Variants in LRP2 observed in about 807,000 individuals in gnomAD.
LRP2 encodes the protein LDL receptor related protein 2.
A neutral mutation model predicts 531.0 loss-of-function variants in LRP2; 172 were observed. The ratio of observed to expected loss-of-function variants is 0.32; its 90% CI spans 0.29 to 0.37. LRP2 has a LOEUF of 0.37. Among genes scored for constraint, LRP2 ranks in the 10% least tolerant of loss-of-function variants. The pLI is 1.00. For missense variants in LRP2, 5,167 were observed against 5,868.3 expected (o/e 0.88, Z 3.90); for synonymous variants, 1,992 against 2,027.6 (o/e 0.98, Z 0.47).
intron 1 of LRP2, among the ~76,000 whole-genome samples, chr2:169,335,215 C>T (rs578195887): frequency 3.3e-5 from 5 of 152,256 alleles, no homozygotes; most frequent in South Asian, 4.1e-4. Flanking sequence ...TATTTTCCTA[C>T]GATGAGCATT....
intron 1 of LRP2, 46 bp downstream of exon 1, chr2:169,362,275 G>T: frequency 6.7e-7 from 1 of 1,495,128 alleles, no homozygotes. Flanking sequence ...CCCTGCCACA[G>T]CCGGGGAAGT....
At chr2:169,215,741 ATATC>A (rs968737456) in intron 35 of LRP2, among the ~76,000 whole-genome samples, 2 of 147,692 alleles carry the variant, frequency 1.4e-5, no homozygotes, top group Non-Finnish European at 3.0e-5. Flanking sequence ...TATATATTCT[ATATC>A]TATATAGATC....
rs767015977 is a variant in LRP2 at position 169,204,255 on chromosome 2, T to C, written c.7732A>G (p.Ser2578Gly). ...TCACGATCCACGCCCGTCAGAGTGCTGCGTTCAATCCTCTGCCTAAAATGA... is the reference window on the plus strand; with the variant it reads ...TCACGATCCACGCCCGTCAGAGTGCCGCGTTCAATCCTCTGCCTAAAATGA... ...VDASLQRIERSTLTGVDREVI... is the reference protein window; with the variant it reads ...VDASLQRIERGTLTGVDREVI... The change falls in exon 42 of 79, where the codon AGC becomes GGC. Residue 2578 changes from serine to glycine, a missense_variant. Coordinates refer to ENST00000649046, the MANE Select transcript of LRP2 (RefSeq NM_004525.3). The C allele has an allele frequency of 1.2e-6, 2 of 1,613,282 alleles. No individual in the cohort carries two copies. The highest frequency in any genetic ancestry group is 2.2e-5 in the South Asian group (2 of 91,080).
At chr2:169,358,892 T>C (rs1379373002) in intron 1 of LRP2, among the ~76,000 whole-genome samples, 1 of 121,398 alleles carries the variant, frequency 8.2e-6, no homozygotes, top group Non-Finnish European at 1.7e-5. Context: ...GCCAATACGA[T>C]TTTCTCAAAA....
chr2:169,176,672 A>C (rs1687206872), intron 53 of LRP2, 84 bp from the exon 54 acceptor site: 1 of 1,209,504 alleles, frequency 8.3e-7, no homozygotes, highest in African/African-American at 1.5e-5. Flanking sequence ...TCTTGACTTT[A>C]AACTCATCAC....
At position 169,161,827 on chromosome 2, in the gene LRP2, C is replaced by T. The variant is rs142400067; in HGVS notation, c.11887+645G>A. On this transcript the variant is annotated intron_variant, in intron 63 of 78. Coordinates refer to ENST00000649046, the MANE Select transcript of LRP2 (RefSeq NM_004525.3). Reference sequence around the variant, plus strand: ...ATGTCCCTTCCCAGGTCCCCTGTGGCGTTCCCTTCTTGATCAAACACCCTC... The same window carrying T: ...ATGTCCCTTCCCAGGTCCCCTGTGGTGTTCCCTTCTTGATCAAACACCCTC... Among the ~76,000 whole-genome samples, 696 of 152,256 alleles carry T rather than the reference C, an allele frequency of 4.6e-3. 10 individuals are homozygous for T. The highest frequency in any genetic ancestry group is 0.015 in the African/African-American group (634 of 41,536).
At position 169,173,076 on chromosome 2, in the gene LRP2, T is replaced by A; in HGVS notation, c.11143+20A>T. 1.2e-6 allele frequency: 2 copies of A among 1,614,048 alleles called. No homozygotes were observed. The highest frequency in any genetic ancestry group is 1.7e-6 in the Non-Finnish European group (2 of 1,179,978). On this transcript the variant is annotated intron_variant, in intron 57 of 78. Transcript: ENST00000649046. The stretch of plus-strand genomic sequence containing the variant: ...TGCACTTTCTTGTCCCTCCCTCCAC[T>A]CCCCTGTGGCCCCTCCTACCACAGC...
At position 169,238,302 on chromosome 2, in the gene LRP2, G is replaced by C; in HGVS notation, c.4295C>G (p.Ala1432Gly). ...ESDGRTCKVTASESLLLLVAS... is the reference protein window; with the variant it reads ...ESDGRTCKVTGSESLLLLVAS... ...CACAAGTAACAGCAGACTCTCAGAT[G>C]CTGTTCAAGAAAAAAATGCAAAAAT... The change falls in exon 27 of 79, where the codon GCA becomes GGA. Residue 1432 changes from alanine to glycine, a missense_variant and splice_region_variant. Ala to Gly is a moderately conservative substitution (Grantham distance 60). Around this residue, in one of 6 missense-constraint regions of LRP2, gnomAD observed 2,811 missense variants for 3,058.0 expected, o/e 0.92. Transcript: ENST00000649046. The C allele has an allele frequency of 6.2e-7, 1 of 1,612,344 alleles. No individual in the cohort carries two copies. The highest frequency in any genetic ancestry group is 1.1e-5 in the South Asian group (1 of 90,998).
intron 34 of LRP2, among the ~76,000 whole-genome samples, chr2:169,217,795 A>C (rs1299444976): frequency 6.6e-6 from 1 of 151,816 alleles, no homozygotes; most frequent in East Asian, 1.9e-4. Context: ...CATAACTTTC[A>C]CTCTCAATCA....
chr2:169,264,531 T>C (rs1690715548), intron 16 of LRP2, among the ~76,000 whole-genome samples: 2 of 152,038 alleles, frequency 1.3e-5, no homozygotes, highest in Admixed American at 1.3e-4. Flanking sequence ...AAACCAAACA[T>C]GTTTATCTCC....
At chr2:169,314,176 C>A (rs922377598) in intron 3 of LRP2, among the ~76,000 whole-genome samples, 27 of 151,948 alleles carry the variant, frequency 1.8e-4, no homozygotes, top group African/African-American at 6.5e-4. Context: ...GCAAGAAGAT[C>A]ACTTGAGGCC....
chr2:169,296,630 GGA>G (rs1684140860), intron 4 of LRP2, among the ~76,000 whole-genome samples: 1 of 152,012 alleles, frequency 6.6e-6, no homozygotes, highest in African/African-American at 2.4e-5. Context: ...CTATCTGTCT[GGA>G]GGAAAATTAA....
In LRP2 at chr2:169,239,682, A is replaced by C; in HGVS notation, c.4139T>G (p.Leu1380Ter). ...GAKCLCPLGF[L>*]LANDSKTCED... Reference sequence around the variant, plus strand: ...ACAGGTCTTAGAATCATTGGCAAGTAAGAATCCCAATGGACATAGGCATTT... The same window carrying C: ...ACAGGTCTTAGAATCATTGGCAAGTCAGAATCCCAATGGACATAGGCATTT... The change falls in exon 26 of 79, where the codon TTA becomes TGA. Residue 1380 changes from leucine to a stop codon, truncating the protein, a stop_gained. Coordinates refer to ENST00000649046, the MANE Select transcript of LRP2 (RefSeq NM_004525.3). LOFTEE classifies it high-confidence loss of function. The C allele has an allele frequency of 1.2e-6, 2 of 1,613,590 alleles. No individual in the cohort carries two copies. Among genetic ancestry groups the C allele is most frequent in the Non-Finnish European group, 1.7e-6 (2 of 1,179,452 alleles).
chr2:169,294,160 C>T lies in LRP2; in HGVS notation c.640G>A (p.Glu214Lys). Residue 214 changes from glutamate (E) to lysine (K), a missense_variant, in exon 6 of 79, where the codon GAA becomes AAA. Glu to Lys is a moderately conservative substitution (Grantham distance 56). Around this residue, in one of 6 missense-constraint regions of LRP2, gnomAD observed 2,811 missense variants for 3,058.0 expected, o/e 0.92. Transcript: ENST00000649046. ...HDNDCQDGSD[E>K]HACNYPTCGG... is the part of the protein sequence containing the mutation. ...GAAATCACCGTACTGCAAGCATGTT[C>T]GTCACTGCCGTCTTGGCAATCATTG... 2 of 1,608,620 alleles carry T rather than the reference C, an allele frequency of 1.2e-6. No individual in the cohort carries two copies. The highest frequency in any genetic ancestry group is 1.7e-6 in the Non-Finnish European group (2 of 1,175,076).
intron 65 of LRP2, 47 bp from the exon 66 acceptor site, chr2:169,154,650 C>A: frequency 1.3e-6 from 2 of 1,572,572 alleles, no homozygotes; most frequent in South Asian, 2.2e-5. Context: ...TTATACTTTC[C>A]TATATAAAGT....
chr2:169,327,959 G>A (rs1212535953), intron 1 of LRP2, among the ~76,000 whole-genome samples: 8 of 104,406 alleles, frequency 7.7e-5, no homozygotes, highest in Non-Finnish European at 1.7e-4. Flanking sequence ...CGCCCGGCCA[G>A]CCGCCCCGTC....
intron 69 of LRP2, among the ~76,000 whole-genome samples, chr2:169,146,190 A>G (rs1379488988): frequency 2.0e-5 from 3 of 152,308 alleles, no homozygotes; most frequent in South Asian, 4.1e-4. Context: ...CTTTCAAGTT[A>G]CTGATTTTAC....
intron 49 of LRP2, among the ~76,000 whole-genome samples, chr2:169,186,682 T>C (rs556218985): frequency 3.9e-5 from 6 of 152,332 alleles, no homozygotes; most frequent in Non-Finnish European, 8.8e-5. Context: ...TTCCCATCTA[T>C]GGGCTACAGT....
intron 38 of LRP2, 138 bp downstream of exon 38, chr2:169,209,315 G>T: frequency 1.3e-6 from 1 of 762,972 alleles, no homozygotes; most frequent in Non-Finnish European, 2.3e-6. Flanking sequence ...GCTTAATCTA[G>T]ATTCAATGTA....
Sources: allele counts gnomAD v4.1 joint callset (sites outside exome capture counted in the v4.1 genomes callset), GRCh38; gene constraint gnomAD v4.1.1; regional missense constraint gnomAD v4.1.1; transcripts MANE v1.5; gene names NCBI Gene and HGNC (gene_info 2026-07-23, HGNC 2026-07-21).